Variants in DTNBP1 observed in about 807,000 individuals in gnomAD.
The protein encoded by DTNBP1 is dysbindin.
Under a neutral mutation model 42.8 loss-of-function variants are expected in DTNBP1, and 35 were observed. That is an observed-to-expected ratio of 0.82 (90% CI 0.63 to 1.09). The LOEUF (loss-of-function observed/expected upper bound fraction) is 1.09, where lower values mean the gene tolerates loss of function less well. Among genes scored for constraint, DTNBP1 ranks in the 50% least tolerant of loss-of-function variants. The pLI, the probability that DTNBP1 is intolerant of heterozygous loss-of-function variation, is 0.00. For missense variants in DTNBP1, 457 were observed against 424.2 expected, an observed-to-expected ratio of 1.08 and a Z score of -0.68; for synonymous variants, 171 against 162.2, an observed-to-expected ratio of 1.05 and a Z score of -0.41.
intron 6 of DTNBP1, among the ~76,000 whole-genome samples, chr6:15,614,291 C>T (rs1758595750): frequency 6.6e-6 from 1 of 151,878 alleles, no homozygotes; most frequent in African/African-American, 2.4e-5. Context: ...ATGATAGCAA[C>T]CCACTCCTGT....
chr6:15,597,888 T>C (rs1202683374), intron 6 of DTNBP1, among the ~76,000 whole-genome samples: 1 of 152,252 alleles, frequency 6.6e-6, no homozygotes, highest in African/African-American at 2.4e-5. Context: ...ATTATCTCAT[T>C]TGAAACAACT....
intron 7 of DTNBP1, among the ~76,000 whole-genome samples, chr6:15,559,058 G>A (rs1774691625): frequency 6.6e-6 from 1 of 152,222 alleles, no homozygotes; most frequent in Non-Finnish European, 1.5e-5. Flanking sequence ...GGGTCATAAA[G>A]CAGTGGAGAC....
intron 7 of DTNBP1, among the ~76,000 whole-genome samples, chr6:15,592,013 TG>T (rs1390301295): frequency 6.6e-6 from 1 of 152,186 alleles, no homozygotes; most frequent in East Asian, 1.9e-4. Context: ...TTCAACAAAC[TG>T]GCCATGAACT....
intron 7 of DTNBP1, 120 bp from the exon 8 acceptor site, chr6:15,533,515 G>A: frequency 6.5e-7 from 1 of 1,528,754 alleles, no homozygotes; most frequent in African/African-American, 1.4e-5. Context: ...TTACAGACTG[G>A]GCTGGTGCCC....
intron 3 of DTNBP1, among the ~76,000 whole-genome samples, chr6:15,640,475 T>C (rs1180967049): frequency 1.3e-5 from 2 of 152,242 alleles, no homozygotes; most frequent in African/African-American, 4.8e-5. Flanking sequence ...ATTGAATATA[T>C]TCTATGTATA....
intron 7 of DTNBP1, among the ~76,000 whole-genome samples, chr6:15,566,881 G>A (rs1290125395): frequency 2.0e-5 from 3 of 151,888 alleles, no homozygotes; most frequent in African/African-American, 7.3e-5. Context: ...TTGTACAGAC[G>A]GGGTTTCGCC....
At chr6:15,538,264 T>C (rs1049464513) in intron 7 of DTNBP1, among the ~76,000 whole-genome samples, 5 of 152,168 alleles carry the variant, frequency 3.3e-5, no homozygotes, top group East Asian at 1.9e-4. Flanking sequence ...GGCCATTATC[T>C]GTTGCTGGGT....
intron 1 of DTNBP1, among the ~76,000 whole-genome samples, chr6:15,652,716 C>T (rs1165856588): frequency 6.6e-6 from 1 of 152,114 alleles, no homozygotes; most frequent in African/African-American, 2.4e-5. Flanking sequence ...TAACCTCAAA[C>T]TCTTGGGCTC....
intron 7 of DTNBP1, among the ~76,000 whole-genome samples, chr6:15,567,891 T>C (rs1357489148): frequency 6.6e-6 from 1 of 152,172 alleles, no homozygotes; most frequent in East Asian, 1.9e-4. Context: ...TTTTGGAAAG[T>C]TACTTAAAAT....
intron 8 of DTNBP1, among the ~76,000 whole-genome samples, chr6:15,525,881 T>A (rs1173930347): frequency 1.3e-5 from 2 of 152,080 alleles, no homozygotes; most frequent in African/African-American, 4.8e-5. Flanking sequence ...ATGAAAGACC[T>A]CAGGACCCAG....
In DTNBP1 at chr6:15,650,511, AC is replaced by A. The variant is rs759461258; in HGVS notation, c.161+801del. ...TGGCCAGGCTGGTCTCAAACTCCTG[AC>A]CTCAAGTGATCTGCCTGCCTCAGCC... On this transcript the variant is annotated intron_variant, in intron 3 of 9. Coordinates refer to ENST00000344537, the MANE Select transcript of DTNBP1 (RefSeq NM_032122.5). 2.6e-5 allele frequency among the ~76,000 whole-genome samples: 4 copies of A among 152,170 alleles called. No homozygotes were observed. The South Asian group carries it at 8.3e-4, about 32-fold the overall frequency.
At position 15,663,015 on chromosome 6, in the gene DTNBP1, C is replaced by T. The variant is rs767791716; in HGVS notation, c.-146G>A. On this transcript the variant is annotated 5_prime_UTR_variant, in exon 1 of 10. Coordinates refer to ENST00000344537, the MANE Select transcript of DTNBP1 (RefSeq NM_032122.5). ...CCGCCCCCGGTCTGGTCCTCGCCGC[C>T]GCGCCGCAACCCCAGCCCCTTCCGC... The T allele has an allele frequency of 4.3e-6, 5 of 1,168,704 alleles. No individual in the cohort carries two copies. In the South Asian group the frequency reaches 5.6e-5, roughly 13 times the overall value. 72.4% of individuals were successfully genotyped at this position (1,168,704 alleles called of 1,614,324 possible).
intron 7 of DTNBP1, among the ~76,000 whole-genome samples, chr6:15,569,943 C>T (rs549133733): frequency 1.3e-3 from 193 of 152,218 alleles, no homozygotes; most frequent in Non-Finnish European, 2.1e-3. Context: ...AGACAAAACT[C>T]CATGAAGGTG....
chr6:15,523,214 C>T lies in DTNBP1; in HGVS notation c.817G>A (p.Glu273Lys). 1 of 1,614,136 alleles carries T rather than the reference C, an allele frequency of 6.2e-7. No homozygotes were observed. The highest frequency in any genetic ancestry group is 8.5e-7 in the Non-Finnish European group (1 of 1,180,026). ...ATCTCATTCTGACAGGTACTGGATT[C>T]AGGCCCTGCAAAATAACGTAGGGAA... Reference protein sequence around the residue: ...NTVLSPALGPESSTCQNEITL... With the variant: ...NTVLSPALGPKSSTCQNEITL... Residue 273 changes from glutamate (E) to lysine (K), a missense_variant, in exon 10 of 10, where the codon GAA becomes AAA. Glu to Lys is a moderately conservative substitution (Grantham distance 56). Coordinates refer to ENST00000344537, the MANE Select transcript of DTNBP1 (RefSeq NM_032122.5).
At chr6:15,528,211 C>A (rs1772551521) in intron 8 of DTNBP1, among the ~76,000 whole-genome samples, 1 of 152,198 alleles carries the variant, frequency 6.6e-6, no homozygotes, top group Non-Finnish European at 1.5e-5. Flanking sequence ...ATGTGCAGAG[C>A]AGGTCAGGAA....
At chr6:15,543,403 G>A (rs1232099106) in intron 7 of DTNBP1, among the ~76,000 whole-genome samples, 1 of 152,126 alleles carries the variant, frequency 6.6e-6, no homozygotes, top group South Asian at 2.1e-4. Flanking sequence ...CATGCGCTGT[G>A]CGTGCAGATG....
At chr6:15,576,545 G>A (rs1386060683) in intron 7 of DTNBP1, among the ~76,000 whole-genome samples, 7 of 152,024 alleles carry the variant, frequency 4.6e-5, no homozygotes, top group Admixed American at 2.6e-4. Context: ...GGAGGCCAAA[G>A]TGGGGAGATC....
intron 6 of DTNBP1, among the ~76,000 whole-genome samples, chr6:15,599,652 G>A (rs76254224): frequency 2.6e-5 from 4 of 152,268 alleles, no homozygotes; most frequent in East Asian, 1.9e-4. Flanking sequence ...AGCCAGGATC[G>A]TTGATGTATG....
In DTNBP1 at chr6:15,533,402, A is replaced by T; in HGVS notation, c.512-7T>A. ...TGCTCTGCATCTAGTTCAGCTGAGG[A>T]AACAGAATAACTGGGGTTAGGGTTT... is the stretch of plus-strand genomic sequence containing the variant. On this transcript the variant is annotated splice_region_variant and splice_polypyrimidine_tract_variant and intron_variant, in intron 7 of 9. Transcript: ENST00000344537. The T allele has an allele frequency of 6.2e-7, 1 of 1,614,198 alleles. No homozygotes were observed. The highest frequency in any genetic ancestry group is 8.5e-7 in the Non-Finnish European group (1 of 1,180,034).
Sources: gnomAD v4.1 joint callset for allele counts (sites outside exome capture counted in the v4.1 genomes callset) on GRCh38, gnomAD v4.1.1 for gene constraint, MANE v1.5 for transcripts, NCBI Gene and HGNC (gene_info 2026-07-23, HGNC 2026-07-21) for gene names.